PDS5A: variants seen among roughly 807,000 people sequenced by gnomAD.
PDS5A encodes the protein sister chromatid cohesion protein PDS5 homolog A.
A neutral mutation model predicts 167.1 loss-of-function variants in PDS5A; 42 were observed. The ratio of observed to expected loss-of-function variants is 0.25; its 90% CI spans 0.20 to 0.33. PDS5A has a LOEUF of 0.33. PDS5A is among the 10% of genes least tolerant of loss of function. The pLI is 1.00. For synonymous variants in PDS5A, 553 were observed against 554.6 expected (o/e 1.00, Z 0.04); for missense variants, 1,033 against 1,605.9 (o/e 0.64, Z 6.10).
In PDS5A at chr4:39,840,749, AG is replaced by A. The variant is rs1257807484; in HGVS notation, c.3657+1198del. 2.6e-5 allele frequency among the ~76,000 whole-genome samples: 4 copies of A among 152,038 alleles called. No individual in the cohort carries two copies. The East Asian group carries it at 7.8e-4, about 30-fold the overall frequency. On this transcript the variant is annotated intron_variant, in intron 31 of 32. Transcript: ENST00000303538. ...AGTAATTTTTGCACTTTGTTAGCAG[AG>A]ACAGGGTTTCACTTCAGGTGATCCA...
intron 2 of PDS5A, chr4:39,973,505 G>A (rs1730771298): frequency 1.8e-5 from 24 of 1,306,374 alleles, no homozygotes; most frequent in Non-Finnish European, 2.3e-5. Context: ...GATGATGAAC[G>A]TCTCCAGAAA....
At chr4:39,919,071 T>G (rs1724675725) in intron 7 of PDS5A, among the ~76,000 whole-genome samples, 1 of 152,226 alleles carries the variant, frequency 6.6e-6, no homozygotes, top group South Asian at 2.1e-4. Flanking sequence ...ACTTCTTTAC[T>G]ACTATTATTG....
chr4:39,881,013 CT>C (rs879736708), intron 17 of PDS5A, among the ~76,000 whole-genome samples: 176 of 146,246 alleles, frequency 1.2e-3, no homozygotes, highest in Middle Eastern at 3.6e-3. Flanking sequence ...GAGAGATCTA[CT>C]TTTTTTTTTT....
rs974747361 is a variant in PDS5A, at chr4:39,843,005, G to A, written c.3549-949C>T. On this transcript the variant is annotated intron_variant, in intron 30 of 32. Coordinates refer to ENST00000303538, the MANE Select transcript of PDS5A (RefSeq NM_001100399.2). ...ATAGCTGATATAGCCTAGAACTCCT[G>A]GGCTCAAGTGATCTTCCTGCCTCCG... Among the ~76,000 whole-genome samples the A allele has an allele frequency of 1.1e-4, 16 of 146,518 alleles. 1 individual carries two copies. In the South Asian group the frequency reaches 3.5e-3, roughly 32 times the overall value.
At chr4:39,972,156 A>G (rs1224687125) in intron 2 of PDS5A, among the ~76,000 whole-genome samples, 1 of 152,174 alleles carries the variant, frequency 6.6e-6, no homozygotes, top group East Asian at 1.9e-4. Flanking sequence ...AGTACTTCTG[A>G]TAATCGATTT....
intron 20 of PDS5A, among the ~76,000 whole-genome samples, 200 bp from the exon 21 acceptor site, chr4:39,873,344 T>C (rs1225589283): frequency 2.6e-5 from 4 of 151,918 alleles, no homozygotes; most frequent in African/African-American, 9.7e-5. Flanking sequence ...ATTGAAAGAA[T>C]GTAGAAAAAA....
chr4:39,851,667 G>A (rs1396843822), intron 26 of PDS5A, among the ~76,000 whole-genome samples: 2 of 152,056 alleles, frequency 1.3e-5, no homozygotes, highest in Non-Finnish European at 2.9e-5. Flanking sequence ...ATTAGAACCA[G>A]GTCTGCTTTT....
intron 26 of PDS5A, among the ~76,000 whole-genome samples, chr4:39,856,022 G>A (rs1201816828): frequency 1.3e-5 from 2 of 152,234 alleles, no homozygotes; most frequent in South Asian, 2.1e-4. Flanking sequence ...AACCCACACT[G>A]AGACACATCA....
At chr4:39,893,106 C>G (rs1722110588) in intron 16 of PDS5A, among the ~76,000 whole-genome samples, 2 of 152,104 alleles carry the variant, frequency 1.3e-5, no homozygotes, top group Admixed American at 6.5e-5. Flanking sequence ...CATTAAATGT[C>G]AAATAAACAA....
chr4:39,827,158 C>G (rs1022338248), intron 32 of PDS5A, among the ~76,000 whole-genome samples: 1 of 152,008 alleles, frequency 6.6e-6, no homozygotes, highest in African/African-American at 2.4e-5. Flanking sequence ...CGCCCCCACG[C>G]GCAGCTAATT....
intron 2 of PDS5A, chr4:39,973,607 CG>C: frequency 7.8e-7 from 1 of 1,282,708 alleles, no homozygotes; most frequent in Non-Finnish European, 1.1e-6. Flanking sequence ...TTCTCCTTCC[CG>C]GAAGAAGCCA....
intron 30 of PDS5A, 65 bp from the exon 31 acceptor site, chr4:39,842,121 A>T: frequency 2.0e-6 from 2 of 1,017,458 alleles, no homozygotes; most frequent in Non-Finnish European, 3.1e-6. Context: ...CTCTCACCGT[A>T]CCAATAAAGA....
intron 19 of PDS5A, among the ~76,000 whole-genome samples, chr4:39,875,270 T>A (rs1437949529): frequency 6.6e-6 from 1 of 152,148 alleles, no homozygotes; most frequent in Non-Finnish European, 1.5e-5. Context: ...TATGAACTTA[T>A]AAAAAATAGA....
rs1725521552 is a variant in PDS5A at position 39,926,859 on chromosome 4, G to T, written c.345C>A (p.Asp115Glu). ...ATTGTCTGGTAATAAACAAAAATAT[G>T]TCCTGTTAAAAAAAAAAACACATTA... is the stretch of plus-strand genomic sequence containing the variant. ...APYTSHDKLKDIFLFITRQLK... is the reference protein window; with the variant it reads ...APYTSHDKLKEIFLFITRQLK... Residue 115 changes from aspartate to glutamate, a missense_variant and splice_region_variant, in exon 4 of 33, where the codon GAC (aspartate) becomes GAA (glutamate). Asp to Glu is a conservative substitution (Grantham distance 45). Around this residue, in one of 4 missense-constraint regions of PDS5A, gnomAD observed 388 missense variants for 615.1 expected, o/e 0.63. Transcript: ENST00000303538. 2.9e-6 allele frequency: 4 copies of T among 1,390,978 alleles called. No individual in the cohort carries two copies. Among genetic ancestry groups the T allele is most frequent in the Admixed American group, 3.3e-5 (1 of 30,130 alleles). 86.2% of individuals were successfully genotyped at this position (1,390,978 alleles called of 1,614,324 possible).
At chr4:39,940,637 G>A (rs995827639) in intron 2 of PDS5A, among the ~76,000 whole-genome samples, 4 of 152,178 alleles carry the variant, frequency 2.6e-5, no homozygotes, top group African/African-American at 4.8e-5. Flanking sequence ...AGGAGAGAAA[G>A]AGAGGAAGAA....
chr4:39,858,061 G>A (rs7679366), intron 26 of PDS5A, among the ~76,000 whole-genome samples: 63,675 of 151,704 alleles, frequency 0.42, 14,726 homozygotes, highest in East Asian at 0.66. Flanking sequence ...ATAAATAAAT[G>A]AATACATAAA....
intron 2 of PDS5A, among the ~76,000 whole-genome samples, chr4:39,958,363 C>T (rs1283714684): frequency 6.6e-6 from 1 of 151,382 alleles, no homozygotes; most frequent in East Asian, 2.0e-4. Flanking sequence ...AAAATTTAAC[C>T]GGGCATGGTG....
chr4:39,954,463 C>A (rs1467966030), intron 2 of PDS5A, among the ~76,000 whole-genome samples: 1 of 151,954 alleles, frequency 6.6e-6, no homozygotes, highest in Non-Finnish European at 1.5e-5. Flanking sequence ...GGATTACGGG[C>A]ATGTGCCACC....
At position 39,848,929 on chromosome 4, in the gene PDS5A, A is replaced by G. The variant is rs1717875343; in HGVS notation, c.3261T>C (p.Asn1087=). The G allele has an allele frequency of 5.6e-6, 9 of 1,604,868 alleles. No homozygotes were observed. The highest frequency in any genetic ancestry group is 1.1e-5 in the South Asian group (1 of 89,790). ...CTGCATTGCACAAAGCACTTTTACT[A>G]TTTATAACACAGAGAGCCACATCAC... ...TVCDVALCVI[N]SKSALCNADS... Residue 1087 remains asparagine (N), a synonymous_variant, in exon 28 of 33, where the codon AAT becomes AAC. Transcript: ENST00000303538.
Sources: gnomAD v4.1 joint callset for allele counts (sites outside exome capture counted in the v4.1 genomes callset) on GRCh38, gnomAD v4.1.1 for gene constraint, gnomAD v4.1.1 regional missense constraint, MANE v1.5 for transcripts, NCBI Gene and HGNC (gene_info 2026-07-23, HGNC 2026-07-21) for gene names.